ITIH6: variants seen among roughly 807,000 people sequenced by gnomAD.
ITIH6 encodes inter-alpha-trypsin inhibitor heavy chain H6.
ITIH6 carries 60 observed loss-of-function variants against 58.2 expected under a neutral mutation model. The ratio of observed to expected loss-of-function variants is 1.03; its 90% CI spans 0.84 to 1.28. The LOEUF (loss-of-function observed/expected upper bound fraction) is 1.28, where lower values mean the gene tolerates loss of function less well. Ranked by LOEUF, ITIH6 falls within the 50% of genes most tolerant of loss-of-function variation. The pLI, the probability that ITIH6 is intolerant of heterozygous loss-of-function variation, is 0.00. For missense variants in ITIH6, 1,290 were observed against 1,021.1 expected (o/e 1.26, Z -3.59); for synonymous variants, 493 against 417.4 (o/e 1.18, Z -2.21).
chrX:54,762,345 C>T (rs1253262123), intron 6 of ITIH6, among the ~76,000 whole-genome samples: 1 of 111,445 alleles, frequency 9.0e-6, no homozygotes, highest in African/African-American at 3.3e-5. Flanking sequence ...TGGGCTAAGA[C>T]AATGGGGTTT....
intron 6 of ITIH6, among the ~76,000 whole-genome samples, chrX:54,773,826 C>T (rs1451457942): frequency 1.8e-5 from 2 of 110,362 alleles, no homozygotes; most frequent in Admixed American, 9.6e-5. Context: ...CCTATATGAC[C>T]CTGGGCTTTC....
Position 54,753,978 on chromosome X carries a change from G to C in ITIH6, c.3203-13C>G. 1 of 1,206,523 alleles carries C rather than the reference G, an allele frequency of 8.3e-7. No homozygotes were observed. On this transcript the variant is annotated splice_polypyrimidine_tract_variant and intron_variant, in intron 9 of 12. Transcript: ENST00000218436. ...CTAGGCAATGTGCCTGCAAAGGAGA[G>C]AGAGACTGTGTTGGGAAGGGACTAA...
In ITIH6 at chrX:54,770,036, G is replaced by A. The variant is rs907317326; in HGVS notation, c.903+4045C>T. On this transcript the variant is annotated intron_variant, in intron 6 of 12. Coordinates refer to ENST00000218436, the MANE Select transcript of ITIH6 (RefSeq NM_198510.3). ...CTGTGCTAGCAATCAGCGAGATTCC[G>A]TGGGCGTAGGACCCTCCGAGCCAGG... 2.7e-5 allele frequency among the ~76,000 whole-genome samples: 3 copies of A among 111,771 alleles called. No individual in the cohort carries two copies. In the East Asian group the frequency reaches 8.5e-4, roughly 32 times the overall value.
At chrX:54,774,242 T>C (rs1929012293) in intron 5 of ITIH6, 45 bp from the exon 6 acceptor site, 1 of 718,500 alleles carries the variant, frequency 1.4e-6, no homozygotes, top group Non-Finnish European at 2.0e-6. Context: ...AGAAGAACAG[T>C]GAAAGCCAAT....
intron 11 of ITIH6, 142 bp from the exon 12 acceptor site, chrX:54,751,522 C>G (rs771517236): frequency 1.2e-5 from 8 of 664,468 alleles, no homozygotes; most frequent in African/African-American, 2.2e-5. Flanking sequence ...CCATGGTCCA[C>G]CTGGCTGCTC....
At chrX:54,797,416 G>A (rs1929462928) in intron 1 of ITIH6, among the ~76,000 whole-genome samples, 1 of 111,930 alleles carries the variant, frequency 8.9e-6, no homozygotes, top group African/African-American at 3.2e-5. Flanking sequence ...GATTCAGCAA[G>A]ACTAGGGTGA....
chrX:54,768,466 G>C lies in ITIH6; in HGVS notation c.903+5615C>G, dbSNP rs1376280828. Among the ~76,000 whole-genome samples the C allele has an allele frequency of 6.9e-5, 6 of 87,028 alleles. No individual in the cohort carries two copies. The East Asian group carries it at 2.1e-3, about 31-fold the overall frequency. 75.6% of individuals were successfully genotyped at this position (87,028 alleles called of 115,157 possible). A position where few individuals can be genotyped will look rare whatever the true frequency, so the allele number is the denominator to read the frequency against. On this transcript the variant is annotated intron_variant, in intron 6 of 12. Transcript: ENST00000218436. Reference sequence around the variant, plus strand: ...TAGCTGGTGATTTTGCTCGTTAGTTGATGCAGTTTCTTCCTAGTCTCGATG... The same window carrying C: ...TAGCTGGTGATTTTGCTCGTTAGTTCATGCAGTTTCTTCCTAGTCTCGATG...
intron 12 of ITIH6, among the ~76,000 whole-genome samples, chrX:54,750,357 G>C (rs1454363853): frequency 9.0e-6 from 1 of 111,106 alleles, no homozygotes; most frequent in African/African-American, 3.3e-5. Context: ...GTTTGGAGAA[G>C]ACAGGGAAGA....
intron 1 of ITIH6, among the ~76,000 whole-genome samples, chrX:54,797,607 A>G (rs140265358): frequency 2.8e-3 from 314 of 111,844 alleles, no homozygotes; most frequent in African/African-American, 9.5e-3. Context: ...TCTCAGGTGT[A>G]AAGAGTTGCA....
In ITIH6 at chrX:54,782,087, C is replaced by T. The variant is rs745821204; in HGVS notation, c.786+6393G>A. ...CACACACTGGGGCCTGTCAGAGCACCCTCTGGAGGGTGGTAGGAGAGTGAG... is the reference window on the plus strand; with the variant it reads ...CACACACTGGGGCCTGTCAGAGCACTCTCTGGAGGGTGGTAGGAGAGTGAG... On this transcript the variant is annotated intron_variant, in intron 5 of 12. Transcript: ENST00000218436. Among the ~76,000 whole-genome samples the T allele has an allele frequency of 3.6e-5, 4 of 110,746 alleles. No individual in the cohort carries two copies. In the East Asian group the frequency reaches 1.1e-3, roughly 31 times the overall value.
rs535285789 is a variant in ITIH6, at chrX:54,751,101, C to T, written c.3632G>A (p.Arg1211Gln). ...LGPYLEFLVL[R>Q]HRYRHPSTLQ... ...GGTACTGGGATGCCTGTAGCGGTGT[C>T]GGAGGACTAGGAACTCAAGGTAGGG... The change falls in exon 12 of 13, where the codon CGA (arginine) becomes CAA (glutamine). Residue 1211 changes from arginine to glutamine, a missense_variant. Coordinates refer to ENST00000218436, the MANE Select transcript of ITIH6 (RefSeq NM_198510.3). 1.2e-5 allele frequency: 15 copies of T among 1,206,426 alleles called. No homozygotes were observed. Among genetic ancestry groups the T allele is most frequent in the South Asian group, 1.8e-5 (1 of 55,886 alleles).
In ITIH6 at chrX:54,751,120, G is replaced by A. The variant is rs770993032; in HGVS notation, c.3613C>T (p.Leu1205Phe). 13 of 1,207,280 alleles carry A rather than the reference G, an allele frequency of 1.1e-5. No homozygotes were observed. In the African/African-American group the frequency reaches 1.2e-4, roughly 11 times the overall value. ...ARLTLRLGPY[L>F]EFLVLRHRYR... is the part of the protein sequence containing the mutation. ...CGGTGTCGGAGGACTAGGAACTCAA[G>A]GTAGGGCCCAAGGCGGAGGGTAAGG... Residue 1205 changes from leucine (L) to phenylalanine (F), a missense_variant, in exon 12 of 13, where the codon CTT (leucine) becomes TTT (phenylalanine). Coordinates refer to ENST00000218436, the MANE Select transcript of ITIH6 (RefSeq NM_198510.3).
chrX:54,749,947 C>T lies in ITIH6; in HGVS notation c.3890G>A (p.Arg1297His), dbSNP rs779817369. The change falls in exon 13 of 13, where the codon CGC (arginine) becomes CAC (histidine). Residue 1297 changes from arginine (R) to histidine (H), a missense_variant. Coordinates refer to ENST00000218436, the MANE Select transcript of ITIH6 (RefSeq NM_198510.3). ...GCCCAGAAGCAGCTCTACATGAGAG[C>T]GCTTCACCAGCCAGCAGGAAGCCCA... is the stretch of plus-strand genomic sequence containing the variant. ...PRWASCWLVK[R>H]SHVELLLGHP... 59 of 1,209,617 alleles carry T rather than the reference C, an allele frequency of 4.9e-5. No homozygotes were observed. Among genetic ancestry groups the T allele is most frequent in the East Asian group, 5.9e-5 (2 of 33,724 alleles).
At chrX:54,756,867 A>T (rs751297652) in intron 8 of ITIH6, 98 bp downstream of exon 8, 42 of 496,906 alleles carry the variant, frequency 8.5e-5, no homozygotes, top group Middle Eastern at 4.6e-4. Context: ...CAGCTGTCCC[A>T]TCACTGGAGT....
In ITIH6 at chrX:54,791,029, C is replaced by G; in HGVS notation, c.424G>C (p.Val142Leu). The change falls in exon 4 of 13, where the codon GTG becomes CTG. Residue 142 changes from valine to leucine, a missense_variant. Val to Leu is a conservative substitution (Grantham distance 32, BLOSUM62 1). Coordinates refer to ENST00000218436, the MANE Select transcript of ITIH6 (RefSeq NM_198510.3). ...TCCTCATAGGCCAGGGAAAAAGTCA[C>G]CTCTGTGCCTGCTGCCAGGCTGGTG... ...ISTSLAAGTE[V>L]TFSLAYEELL... The G allele has an allele frequency of 8.3e-7, 1 of 1,211,592 alleles. No homozygotes were observed. Among genetic ancestry groups the G allele is most frequent in the Non-Finnish European group, 1.1e-6 (1 of 895,233 alleles).
intron 5 of ITIH6, chrX:54,787,825 A>T (rs1318657912): frequency 9.0e-6 from 1 of 110,580 alleles, no homozygotes; most frequent in Non-Finnish European, 1.9e-5. Context: ...GTTTTGGAGA[A>T]AGGTGTGATA....
At chrX:54,756,730 A>G (rs903835006) in intron 8 of ITIH6, among the ~76,000 whole-genome samples, 17 of 110,145 alleles carry the variant, frequency 1.5e-4, no homozygotes, top group African/African-American at 5.3e-4. Flanking sequence ...CAGTCTCAAC[A>G]CTCCTCCTCT....
chrX:54,791,136 A>G, intron 3 of ITIH6, 52 bp from the exon 4 acceptor site: 1 of 1,168,215 alleles, frequency 8.6e-7, no homozygotes, highest in Non-Finnish European at 1.2e-6. Flanking sequence ...TCAGAGGAGT[A>G]CAGGGGCTGT....
chrX:54,752,774 T>C (rs1382655918), intron 11 of ITIH6, among the ~76,000 whole-genome samples: 2 of 111,843 alleles, frequency 1.8e-5, no homozygotes, highest in Non-Finnish European at 1.9e-5. Flanking sequence ...CAAAGAAGTA[T>C]AACAGAAAAT....
Sources: gnomAD v4.1 joint callset for allele counts (sites outside exome capture counted in the v4.1 genomes callset) on GRCh38, gnomAD v4.1.1 for gene constraint, MANE v1.5 for transcripts, NCBI Gene and HGNC (gene_info 2026-07-23, HGNC 2026-07-21) for gene names.